The following SLC5A1 variants were observed in gnomAD, a reference collection of about 807,000 sequenced individuals.
SLC5A1 encodes the protein sodium/glucose cotransporter 1.
Under a neutral mutation model 73.5 loss-of-function variants are expected in SLC5A1, and 42 were observed. That is an observed-to-expected ratio of 0.57 (90% CI 0.45 to 0.74). The LOEUF (loss-of-function observed/expected upper bound fraction) is 0.74. SLC5A1 is among the 30% of genes least tolerant of loss of function. SLC5A1 has a pLI of 0.00. For missense variants in SLC5A1, 634 were observed against 855.4 expected, an observed-to-expected ratio of 0.74 and a Z score of 3.23; for synonymous variants, 300 against 317.4, an observed-to-expected ratio of 0.95 and a Z score of 0.58.
intron 5 of SLC5A1, among the ~76,000 whole-genome samples, chr22:32,076,061 G>C (rs1157536954): frequency 6.6e-6 from 1 of 152,206 alleles, no homozygotes; most frequent in African/African-American, 2.4e-5. Flanking sequence ...GAAGAGAGGA[G>C]GGTTAGTGTG....
chr22:32,084,023 C>T (rs529970455), intron 7 of SLC5A1, among the ~76,000 whole-genome samples: 1 of 152,196 alleles, frequency 6.6e-6, no homozygotes, highest in African/African-American at 2.4e-5. Context: ...CCAAAGGCCA[C>T]TGTGTGTGTC....
At chr22:32,055,083 A>T (rs1005936172) in intron 2 of SLC5A1, among the ~76,000 whole-genome samples, 1 of 152,148 alleles carries the variant, frequency 6.6e-6, no homozygotes, top group African/African-American at 2.4e-5. Flanking sequence ...CAGCCTCCTT[A>T]ACCTCTAAAC....
chr22:32,072,048 G>GTATTT (rs1038405137), intron 5 of SLC5A1, among the ~76,000 whole-genome samples: 9 of 151,986 alleles, frequency 5.9e-5, no homozygotes, highest in Admixed American at 6.6e-5. Context: ...TTCCCCAGCA[G>GTATTT]TATTTTATTT....
chr22:32,046,540 A>C (rs1158157236), intron 1 of SLC5A1, among the ~76,000 whole-genome samples: 1 of 152,162 alleles, frequency 6.6e-6, no homozygotes, highest in African/African-American at 2.4e-5. Flanking sequence ...CTCTGGGCTC[A>C]GACGCGATGT....
chr22:32,043,508 T>G lies in SLC5A1; in HGVS notation c.135+92T>G. 2.9e-6 allele frequency: 4 copies of G among 1,396,912 alleles called. No individual in the cohort carries two copies. Among genetic ancestry groups the G allele is most frequent in the Non-Finnish European group, 4.0e-6 (4 of 998,626 alleles). 86.5% of individuals were successfully genotyped at this position (1,396,912 alleles called of 1,614,324 possible). On this transcript the variant is annotated intron_variant, in intron 1 of 14. Transcript: ENST00000266088. The surrounding 1 kb of genome is among the most constrained non-coding windows in gnomAD (Gnocchi z 6.5). Reference sequence around the variant, plus strand: ...AGCTGCAAGGGGCAGTAGGCTTAAGTGTCGGTGGAGGGGAGAGGAAATGAC... The same window carrying G: ...AGCTGCAAGGGGCAGTAGGCTTAAGGGTCGGTGGAGGGGAGAGGAAATGAC...
At chr22:32,100,683 G>T (rs889791602) in intron 12 of SLC5A1, among the ~76,000 whole-genome samples, 1 of 152,114 alleles carries the variant, frequency 6.6e-6, no homozygotes, top group Non-Finnish European at 1.5e-5. Flanking sequence ...CCAAAGTAGC[G>T]AGGACTACAG....
At chr22:32,096,313 T>G (rs2094026189) in intron 11 of SLC5A1, among the ~76,000 whole-genome samples, 1 of 152,188 alleles carries the variant, frequency 6.6e-6, no homozygotes, top group South Asian at 2.1e-4. Context: ...TCATTTGGGT[T>G]GAGGCTCATC....
At chr22:32,094,702 C>T (rs2094023535) in intron 11 of SLC5A1, among the ~76,000 whole-genome samples, 1 of 152,092 alleles carries the variant, frequency 6.6e-6, no homozygotes, top group African/African-American at 2.4e-5. Flanking sequence ...TGTTTCATTT[C>T]TAATTGTGCT....
intron 2 of SLC5A1, among the ~76,000 whole-genome samples, chr22:32,050,818 G>A (rs17745316): frequency 0.086 from 13,047 of 152,234 alleles, 715 homozygotes; most frequent in Non-Finnish European, 0.12. Flanking sequence ...GGAGGTCCCC[G>A]GAAGCCTGAG....
Position 32,083,067 on chromosome 22 carries a change from T to A in SLC5A1, c.584-7T>A, listed in dbSNP as rs33930907. ...AGGTCAGATGTGTTGTCTTCTTGCC[T>A]GCTTAGGGGGCCTGGCGGCGGTGAT... On this transcript the variant is annotated splice_polypyrimidine_tract_variant and splice_region_variant and intron_variant, in intron 6 of 14. Transcript: ENST00000266088. 1.7e-5 allele frequency: 28 copies of A among 1,614,076 alleles called. No homozygotes were observed. In the African/African-American group the frequency reaches 3.7e-4, roughly 22 times the overall value.
At chr22:32,090,113 A>C (rs899137539) in intron 10 of SLC5A1, among the ~76,000 whole-genome samples, 9 of 152,076 alleles carry the variant, frequency 5.9e-5, no homozygotes, top group Admixed American at 2.0e-4. Flanking sequence ...AAAAAAAAAA[A>C]AAAACAAAAA....
chr22:32,043,389 C>T lies in SLC5A1; in HGVS notation c.108C>T (p.Phe36=). 2.5e-6 allele frequency: 4 copies of T among 1,614,086 alleles called. No homozygotes were observed. Among genetic ancestry groups the T allele is most frequent in the South Asian group, 1.1e-5 (1 of 91,052 alleles). Residue 36 remains phenylalanine, a synonymous_variant, in exon 1 of 15, where the codon TTC becomes TTT. Transcript: ENST00000266088. This position sits in a 1 kb window ranked among gnomAD's most constrained non-coding sequence, Gnocchi z 6.5. ...AADISIIVIY[F]VVVMAVGLWA... ...ATATCTCCATCATCGTTATCTACTT[C>T]GTGGTAGTGATGGCCGTCGGACTGT...
intron 14 of SLC5A1, among the ~76,000 whole-genome samples, chr22:32,106,701 T>C (rs754509508): frequency 6.6e-6 from 1 of 152,252 alleles, no homozygotes; most frequent in Non-Finnish European, 1.5e-5. Flanking sequence ...CAGAGACTTA[T>C]CCTGTAAGTT....
rs3752454 is a variant in SLC5A1, at chr22:32,068,151, C to T, written c.372+125C>T. The T allele has an allele frequency of 5.3e-5, 50 of 947,954 alleles. No homozygotes were observed. In the East Asian group the frequency reaches 1.2e-3, roughly 22 times the overall value. The allele number at this position is 947,954 out of a possible 1,614,324, so 58.7% of individuals were successfully genotyped here. A position where few individuals can be genotyped will look rare whatever the true frequency, so the allele number is the denominator to read the frequency against. ...AAAATCTGTGGATTGGCTTTCACTC[C>T]CAGGTTATGAAATTCCCGACTGTCT... On this transcript the variant is annotated intron_variant, in intron 4 of 14. Transcript: ENST00000266088.
intron 12 of SLC5A1, 111 bp from the exon 13 acceptor site, chr22:32,101,911 A>G (rs1308987016): frequency 9.7e-6 from 8 of 828,682 alleles, no homozygotes; most frequent in African/African-American, 1.7e-5. Context: ...TGGAGCTACC[A>G]CTTCTCCTAC....
intron 10 of SLC5A1, among the ~76,000 whole-genome samples, chr22:32,088,351 T>C (rs1015759062): frequency 6.6e-6 from 1 of 151,578 alleles, no homozygotes; most frequent in African/African-American, 2.4e-5. Context: ...TTTTTTTTTT[T>C]TTGAGATGGA....
chr22:32,049,927 A>G lies in SLC5A1; in HGVS notation c.136-16A>G. ...CTTCTAGTTTTCGATTACATTTTTG[A>G]CCCTTTCCTCCTCAGGCTATGTTTT... is the stretch of plus-strand genomic sequence containing the variant. On this transcript the variant is annotated splice_polypyrimidine_tract_variant and intron_variant, in intron 1 of 14. Coordinates refer to ENST00000266088, the MANE Select transcript of SLC5A1 (RefSeq NM_000343.4). The G allele has an allele frequency of 6.2e-7, 1 of 1,611,668 alleles. No homozygotes were observed. Among genetic ancestry groups the G allele is most frequent in the Non-Finnish European group, 8.5e-7 (1 of 1,177,900 alleles).
intron 2 of SLC5A1, 127 bp from the exon 3 acceptor site, chr22:32,066,808 T>C (rs1409522898): frequency 9.8e-6 from 7 of 712,202 alleles, no homozygotes; most frequent in Non-Finnish European, 1.8e-5. Context: ...CCAGCACAGT[T>C]TTCTCCCAGC....
rs773589957 is a variant in SLC5A1 at position 32,068,546 on chromosome 22, C to G, written c.423C>G (p.Ile141Met). 1.9e-6 allele frequency: 3 copies of G among 1,613,904 alleles called. No individual in the cohort carries two copies. The East Asian group carries it at 6.7e-5, about 36-fold the overall frequency. ...YLRKRFGGQR[I>M]QVYLSLLSLL... ...GGAAGCGGTTTGGAGGCCAGCGGATCCAGGTCTACCTTTCCCTTCTGTCCC... is the reference window on the plus strand; with the variant it reads ...GGAAGCGGTTTGGAGGCCAGCGGATGCAGGTCTACCTTTCCCTTCTGTCCC... The change falls in exon 5 of 15, where the codon ATC becomes ATG. Residue 141 changes from isoleucine to methionine, a missense_variant. Physicochemically the swap from Ile to Met is conservative, Grantham distance 10. Coordinates refer to ENST00000266088, the MANE Select transcript of SLC5A1 (RefSeq NM_000343.4).
Sources: allele counts gnomAD v4.1 joint callset (sites outside exome capture counted in the v4.1 genomes callset), GRCh38; gene constraint gnomAD v4.1.1; non-coding constraint Gnocchi (gnomAD v3.1); transcripts MANE v1.5; gene names NCBI Gene and HGNC (gene_info 2026-07-23, HGNC 2026-07-21).